Variants in VPS13B observed in about 807,000 individuals in gnomAD.
VPS13B encodes vacuolar protein sorting 13 homolog B.
In VPS13B, 285 loss-of-function variants were observed where a neutral mutation model predicts 426.4. The observed-to-expected ratio is 0.67, with a 90% CI of 0.61 to 0.74. The LOEUF (loss-of-function observed/expected upper bound fraction) is 0.74. Ranked by LOEUF, VPS13B falls within the 30% of genes least tolerant of loss-of-function variation. The probability of loss-of-function intolerance (pLI) is 0.00; values close to 1 mark genes in which losing one functional copy is unlikely to be tolerated. For synonymous variants in VPS13B, 1,676 were observed against 1,676.4 expected, an observed-to-expected ratio of 1.00 and a Z score of 0.01; for missense variants, 4,537 against 4,782.6, an observed-to-expected ratio of 0.95 and a Z score of 1.51.
At chr8:99,178,376 G>A (rs1410094808) in intron 16 of VPS13B, among the ~76,000 whole-genome samples, 1 of 144,552 alleles carries the variant, frequency 6.9e-6, no homozygotes, top group African/African-American at 2.6e-5. Context: ...TAGTGCTTAG[G>A]TTAGTGACAG....
chr8:99,537,699 T>C (rs926917530), intron 30 of VPS13B, among the ~76,000 whole-genome samples: 1 of 152,158 alleles, frequency 6.6e-6, no homozygotes, highest in Non-Finnish European at 1.5e-5. Context: ...TTCCTGCCAG[T>C]AGAATTAGAG....
At chr8:99,189,379 C>T (rs540092710) in intron 16 of VPS13B, among the ~76,000 whole-genome samples, 15 of 152,242 alleles carry the variant, frequency 9.9e-5, no homozygotes, top group African/African-American at 1.7e-4. Flanking sequence ...TTTACTTCTT[C>T]GTAGCTGCAC....
At chr8:99,075,804 G>A (rs1845086648) in intron 3 of VPS13B, among the ~76,000 whole-genome samples, 1 of 152,048 alleles carries the variant, frequency 6.6e-6, no homozygotes, top group Non-Finnish European at 1.5e-5. Context: ...AAAGTTTGTT[G>A]ATTTTATCTT....
intron 39 of VPS13B, among the ~76,000 whole-genome samples, chr8:99,747,619 T>C (rs951708096): frequency 6.6e-6 from 1 of 152,086 alleles, no homozygotes; most frequent in East Asian, 1.9e-4. Flanking sequence ...TGTATAATTA[T>C]GTGAGATATG....
intron 17 of VPS13B, among the ~76,000 whole-genome samples, chr8:99,230,384 T>C (rs1816258309): frequency 6.6e-6 from 1 of 152,220 alleles, no homozygotes; most frequent in East Asian, 1.9e-4. Context: ...CAGTGCTGCC[T>C]TCTAGAACTG....
At chr8:99,086,144 G>A (rs1845774218) in intron 3 of VPS13B, among the ~76,000 whole-genome samples, 1 of 152,118 alleles carries the variant, frequency 6.6e-6, no homozygotes, top group Non-Finnish European at 1.5e-5. Context: ...ATTTCTTGGA[G>A]GCTTTGTTCA....
chr8:99,647,901 T>C (rs1829657238), intron 34 of VPS13B, among the ~76,000 whole-genome samples: 1 of 152,202 alleles, frequency 6.6e-6, no homozygotes, highest in East Asian at 1.9e-4. Context: ...AGATTTGGTT[T>C]AATTTGACAT....
intron 36 of VPS13B, among the ~76,000 whole-genome samples, chr8:99,712,759 C>CAAAAAAAAAAAAAAAAAA (rs386360840): frequency 1.0e-5 from 1 of 98,146 alleles, no homozygotes; most frequent in African/African-American, 3.5e-5. Context: ...GTCCCCAAGC[C>CAAAAAAAAAAAAAAAAAA]AAAAAAAAAA....
chr8:99,646,374 T>C (rs1829577131), intron 34 of VPS13B, among the ~76,000 whole-genome samples: 1 of 152,038 alleles, frequency 6.6e-6, no homozygotes. Flanking sequence ...AAAATTGTAA[T>C]TGCCACCAGT....
chr8:99,232,419 G>T (rs540653739), intron 17 of VPS13B, among the ~76,000 whole-genome samples: 1 of 151,978 alleles, frequency 6.6e-6, no homozygotes. Flanking sequence ...TTCCCTCTGG[G>T]TGAATTTTGT....
chr8:99,872,001 T>A (rs185472491), intron 61 of VPS13B, among the ~76,000 whole-genome samples: 10 of 152,274 alleles, frequency 6.6e-5, no homozygotes, highest in Non-Finnish European at 1.3e-4. Flanking sequence ...GGCTTGGCCG[T>A]CATGGGGCTG....
intron 36 of VPS13B, among the ~76,000 whole-genome samples, chr8:99,710,523 C>T (rs1224271942): frequency 1.3e-5 from 2 of 151,846 alleles, no homozygotes; most frequent in East Asian, 3.9e-4. Flanking sequence ...AAAGAAAGGC[C>T]TGATGTCCCA....
intron 7 of VPS13B, chr8:99,119,557 A>G (rs749631847): frequency 1.3e-5 from 2 of 151,910 alleles, no homozygotes; most frequent in Non-Finnish European, 2.9e-5. Context: ...TGGGCCCAAC[A>G]GGGTTTGCAC....
chr8:99,577,656 C>A, intron 33 of VPS13B, 23 bp downstream of exon 33: 1 of 1,612,504 alleles, frequency 6.2e-7, no homozygotes, highest in Non-Finnish European at 8.5e-7. Flanking sequence ...TGATTTTGAT[C>A]AGGCTTACTG....
At chr8:99,023,976 T>C (rs1842023313) in intron 2 of VPS13B, among the ~76,000 whole-genome samples, 1 of 152,190 alleles carries the variant, frequency 6.6e-6, no homozygotes, top group Admixed American at 6.5e-5. Context: ...TAAGGAACTT[T>C]TGTGGTGTTT....
chr8:99,525,172 A>T (rs539218332), intron 30 of VPS13B, among the ~76,000 whole-genome samples: 4 of 152,348 alleles, frequency 2.6e-5, no homozygotes, highest in African/African-American at 9.6e-5. Flanking sequence ...TATGTGAACT[A>T]CTCATATATT....
chr8:99,034,898 A>G (rs1163417505), intron 2 of VPS13B, among the ~76,000 whole-genome samples: 1 of 152,164 alleles, frequency 6.6e-6, no homozygotes, highest in Admixed American at 6.5e-5. Context: ...CATGTGACAT[A>G]AAATTTGTCA....
In VPS13B at chr8:99,354,266, C is replaced by CTTTTTTTTT. The variant is rs71273176; in HGVS notation, c.2825-29911_2825-29903dup. ...TTCTACTGTAGCCCCCTCCCCCTGCCTTTTTTTTTTTTTTTTTTTTTTTTT... is the reference window on the plus strand; with the variant it reads ...TTCTACTGTAGCCCCCTCCCCCTGCCTTTTTTTTTTTTTTTTTTTTTTTTTTTTTTTTTT... On this transcript the variant is annotated intron_variant, in intron 19 of 61. Coordinates refer to ENST00000357162, the MANE Select transcript of VPS13B (RefSeq NM_152564.5). Among the ~76,000 whole-genome samples, 61 of 22,194 alleles carry CTTTTTTTTT rather than the reference C, an allele frequency of 2.7e-3. 9 individuals carry two copies. Among genetic ancestry groups the CTTTTTTTTT allele is most frequent in the Non-Finnish European group, 4.0e-3 (42 of 10,404 alleles). The allele number at this position is 22,194 out of a possible 152,430, so 14.6% of individuals were successfully genotyped here.
Position 99,516,787 on chromosome 8 carries a change from C to CAAAA in VPS13B, c.4634-4084_4634-4081dup, listed in dbSNP as rs528490868. Among the ~76,000 whole-genome samples the CAAAA allele has an allele frequency of 6.2e-3, 104 of 16,702 alleles. 21 individuals are homozygous for CAAAA. The highest frequency in any genetic ancestry group is 0.013 in the East Asian group (5 of 378). 11.0% of individuals were successfully genotyped at this position (16,702 alleles called of 152,430 possible). On this transcript the variant is annotated intron_variant, in intron 29 of 61. Transcript: ENST00000357162. ...TGGGTGACAGGAGGAGACCGTGTCTCAAAAAAAAAAAAAAAAAAAAAAAAA... is the reference window on the plus strand; with the variant it reads ...TGGGTGACAGGAGGAGACCGTGTCTCAAAAAAAAAAAAAAAAAAAAAAAAAAAAA...
Sources: allele counts gnomAD v4.1 joint callset (sites outside exome capture counted in the v4.1 genomes callset), GRCh38; gene constraint gnomAD v4.1.1; transcripts MANE v1.5; gene names NCBI Gene and HGNC (gene_info 2026-07-23, HGNC 2026-07-21).